The following CTNNA3 variants were observed in gnomAD, a reference collection of about 807,000 sequenced individuals.
CTNNA3 encodes catenin alpha 3.
CTNNA3 carries 76 observed loss-of-function variants against 95.7 expected under a neutral mutation model. The observed-to-expected ratio is 0.79, with a 90% CI of 0.66 to 0.96. The LOEUF (loss-of-function observed/expected upper bound fraction) is 0.96. Ranked by LOEUF, CTNNA3 falls within the 40% of genes least tolerant of loss-of-function variation. CTNNA3 has a pLI of 0.00. For missense variants in CTNNA3, 1,191 were observed against 1,089.8 expected (o/e 1.09, Z -1.31); for synonymous variants, 431 against 374.4 (o/e 1.15, Z -1.74).
At chr10:66,260,926 T>C (rs886376715) in intron 13 of CTNNA3, among the ~76,000 whole-genome samples, 7 of 152,108 alleles carry the variant, frequency 4.6e-5, no homozygotes, top group African/African-American at 1.4e-4. Flanking sequence ...AGACAGACTT[T>C]GCGGCCAAGA....
chr10:66,259,040 G>C (rs2090898104), intron 13 of CTNNA3, among the ~76,000 whole-genome samples: 1 of 152,026 alleles, frequency 6.6e-6, no homozygotes, highest in African/African-American at 2.4e-5. Context: ...CCTATTACTT[G>C]GACCTTTATT....
intron 14 of CTNNA3, among the ~76,000 whole-genome samples, chr10:66,082,532 T>C (rs1038704620): frequency 2.6e-5 from 4 of 152,042 alleles, no homozygotes; most frequent in African/African-American, 9.7e-5. Flanking sequence ...AGAAAAAGAA[T>C]ATAGGTGGAA....
intron 10 of CTNNA3, among the ~76,000 whole-genome samples, chr10:66,540,945 C>T (rs147331566): frequency 3.3e-5 from 5 of 152,126 alleles, no homozygotes; most frequent in South Asian, 2.1e-4. Flanking sequence ...CTTAACTTTA[C>T]GTAAGTCTTT....
At chr10:66,661,470 G>C (rs1846263252) in intron 9 of CTNNA3, among the ~76,000 whole-genome samples, 1 of 151,990 alleles carries the variant, frequency 6.6e-6, no homozygotes, top group Non-Finnish European at 1.5e-5. Flanking sequence ...CTGAGATTTT[G>C]GTGAGGACAC....
intron 7 of CTNNA3, among the ~76,000 whole-genome samples, chr10:66,937,276 G>A (rs1483466355): frequency 1.3e-5 from 2 of 152,070 alleles, no homozygotes; most frequent in African/African-American, 4.8e-5. Flanking sequence ...GTAAAACAAT[G>A]TAGTTATCAT....
intron 10 of CTNNA3, among the ~76,000 whole-genome samples, chr10:66,571,413 A>ACTGATGAGACAT (rs1434761478): frequency 6.6e-6 from 1 of 152,190 alleles, no homozygotes; most frequent in Non-Finnish European, 1.5e-5. Flanking sequence ...TCTACATAAT[A>ACTGATGAGACAT]ATCCTGTGAG....
At chr10:66,671,485 T>G (rs1846659829) in intron 9 of CTNNA3, among the ~76,000 whole-genome samples, 1 of 152,196 alleles carries the variant, frequency 6.6e-6, no homozygotes, top group Non-Finnish European at 1.5e-5. Flanking sequence ...AAATTCTTGC[T>G]GTGAATTTGC....
chr10:66,123,903 G>A lies in CTNNA3; in HGVS notation c.1885-20654C>T, dbSNP rs939828983. Reference sequence around the variant, plus strand: ...CACAGGGACCCTGGGCCTGGCCCACGAAACCACTTTGTCCTCCTAGGCCTC... The same window carrying A: ...CACAGGGACCCTGGGCCTGGCCCACAAAACCACTTTGTCCTCCTAGGCCTC... On this transcript the variant is annotated intron_variant, in intron 13 of 17. Coordinates refer to ENST00000433211, the MANE Select transcript of CTNNA3 (RefSeq NM_013266.4). 9.2e-5 allele frequency among the ~76,000 whole-genome samples: 14 copies of A among 152,158 alleles called. No individual in the cohort carries two copies. In the East Asian group the frequency reaches 1.2e-3, roughly 13 times the overall value.
chr10:66,100,399 T>TA (rs565971347), intron 14 of CTNNA3, among the ~76,000 whole-genome samples: 46 of 152,134 alleles, frequency 3.0e-4, no homozygotes, highest in Non-Finnish European at 6.2e-4. Flanking sequence ...AGGAAGTGAA[T>TA]AAAATCCAAT....
intron 4 of CTNNA3, among the ~76,000 whole-genome samples, chr10:67,532,111 T>C (rs1453855463): frequency 1.3e-5 from 2 of 152,180 alleles, no homozygotes; most frequent in Non-Finnish European, 2.9e-5. Context: ...AAAGTATGTC[T>C]TTATCAGCAG....
At chr10:67,479,723 G>A (rs1483060009) in intron 5 of CTNNA3, among the ~76,000 whole-genome samples, 4 of 151,784 alleles carry the variant, frequency 2.6e-5, no homozygotes, top group African/African-American at 9.7e-5. Context: ...CTGAATGAAA[G>A]AAATAACCAA....
At chr10:66,399,515 G>A (rs1046847928) in intron 11 of CTNNA3, among the ~76,000 whole-genome samples, 7 of 151,866 alleles carry the variant, frequency 4.6e-5, no homozygotes, top group South Asian at 2.1e-4. Flanking sequence ...TGGTATATGC[G>A]TGTGAAGTGA....
intron 11 of CTNNA3, among the ~76,000 whole-genome samples, chr10:66,516,227 T>C (rs1431875794): frequency 6.6e-6 from 1 of 152,036 alleles, no homozygotes; most frequent in African/African-American, 2.4e-5. Context: ...GGAGCAGATG[T>C]TGAAAAATTA....
chr10:67,062,201 AG>A (rs201643679), intron 7 of CTNNA3, among the ~76,000 whole-genome samples: 1 of 37,878 alleles, frequency 2.6e-5, no homozygotes, highest in Non-Finnish European at 5.3e-5. Context: ...AAACCCACAG[AG>A]AGTAAATTGT....
intron 9 of CTNNA3, among the ~76,000 whole-genome samples, chr10:66,685,319 A>ATATATG (rs1564617388): frequency 5.2e-5 from 1 of 19,344 alleles, no homozygotes; most frequent in African/African-American, 3.2e-4. Context: ...GTGTGTGTGT[A>ATATATG]TGTGTGTATA....
chr10:67,252,420 A>G (rs1866148253), intron 5 of CTNNA3, among the ~76,000 whole-genome samples: 1 of 152,110 alleles, frequency 6.6e-6, no homozygotes, highest in Non-Finnish European at 1.5e-5. Context: ...TTTCCTATAC[A>G]TACATACCTA....
chr10:66,140,072 A>G (rs1417749243), intron 13 of CTNNA3, among the ~76,000 whole-genome samples: 1 of 152,182 alleles, frequency 6.6e-6, no homozygotes, highest in East Asian at 1.9e-4. Context: ...ACTTTCAGAT[A>G]TGTTGAGATT....
intron 11 of CTNNA3, among the ~76,000 whole-genome samples, chr10:66,477,598 C>G (rs747538327): frequency 5.9e-5 from 9 of 152,010 alleles, no homozygotes; most frequent in Non-Finnish European, 1.3e-4. Context: ...TGAATGCATT[C>G]TACAACCCCA....
intron 11 of CTNNA3, among the ~76,000 whole-genome samples, chr10:66,496,770 T>A (rs757454298): frequency 2.6e-5 from 4 of 152,196 alleles, no homozygotes; most frequent in Non-Finnish European, 5.9e-5. Flanking sequence ...TTGTGCTAGG[T>A]CGTTCAGAAC....
Sources: allele counts gnomAD v4.1 joint callset (sites outside exome capture counted in the v4.1 genomes callset), GRCh38; gene constraint gnomAD v4.1.1; transcripts MANE v1.5; gene names NCBI Gene and HGNC (gene_info 2026-07-23, HGNC 2026-07-21).